DHX36: variants seen among roughly 807,000 people sequenced by gnomAD.
DHX36 encodes ATP-dependent DNA/RNA helicase DHX36.
In DHX36, 50 loss-of-function variants were observed where a neutral mutation model predicts 139.0. The observed-to-expected ratio is 0.36, with a 90% CI of 0.29 to 0.46. DHX36 has a LOEUF of 0.46. Among genes scored for constraint, DHX36 ranks in the 20% least tolerant of loss-of-function variants. DHX36 has a pLI of 1.00. For synonymous variants in DHX36, 425 were observed against 401.9 expected (o/e 1.06, Z -0.69); for missense variants, 1,024 against 1,211.3 (o/e 0.85, Z 2.29).
Position 154,280,611 on chromosome 3 carries a change from T to G in DHX36, c.2535A>C (p.Lys845Asn), listed in dbSNP as rs1719304182. 3 of 1,612,704 alleles carry G rather than the reference T, an allele frequency of 1.9e-6. No individual in the cohort carries two copies. Among genetic ancestry groups the G allele is most frequent in the Non-Finnish European group, 1.7e-6 (2 of 1,179,584 alleles). ...ICAGLYPKVA[K>N]IRLNLGKKRK... ...TTTTTTTACCCAAATTTAGTCGAAT[T>G]TTAGCAACTTTGGGATATAAACCAG... The change falls in exon 22 of 25, where the codon AAA (lysine) becomes AAC (asparagine). Residue 845 changes from lysine (K) to asparagine (N), a missense_variant. Lys to Asn is a moderately conservative substitution (Grantham distance 94). Coordinates refer to ENST00000496811, the MANE Select transcript of DHX36 (RefSeq NM_020865.3).
intron 1 of DHX36, among the ~76,000 whole-genome samples, chr3:154,320,294 T>C (rs909179331): frequency 1.4e-4 from 21 of 151,936 alleles, no homozygotes; most frequent in Admixed American, 2.0e-4. Flanking sequence ...ACAGCCTGAG[T>C]GATCTACAGA....
rs191014714 is a variant in DHX36, at chr3:154,300,075, T to A, written c.1462-150A>T. 56 of 592,250 alleles carry A rather than the reference T, an allele frequency of 9.5e-5. No individual in the cohort carries two copies. In the East Asian group the frequency reaches 1.0e-3, roughly 11 times the overall value. 36.7% of individuals were successfully genotyped at this position (592,250 alleles called of 1,614,324 possible). On this transcript the variant is annotated intron_variant, in intron 11 of 24. Coordinates refer to ENST00000496811, the MANE Select transcript of DHX36 (RefSeq NM_020865.3). ...TAAAAGTATATAAGCTTTTTTTTTT[T>A]AATTATTGTTTTTGAGAGAGTCTTG... is the stretch of plus-strand genomic sequence containing the variant.
At chr3:154,295,893 G>A (rs537356857) in intron 12 of DHX36, among the ~76,000 whole-genome samples, 11 of 152,052 alleles carry the variant, frequency 7.2e-5, no homozygotes, top group African/African-American at 2.2e-4. Context: ...TCAGCCTCCC[G>A]AGTAGCTGAG....
At chr3:154,314,548 A>C (rs965816580) in intron 3 of DHX36, 3 of 152,740 alleles carry the variant, frequency 2.0e-5, no homozygotes, top group Non-Finnish European at 2.9e-5. Context: ...GGGACCTTAA[A>C]ATATCTTGCC....
chr3:154,303,301 T>C lies in DHX36; in HGVS notation c.1217+28A>G, dbSNP rs773046130. On this transcript the variant is annotated intron_variant, in intron 9 of 24. Coordinates refer to ENST00000496811, the MANE Select transcript of DHX36 (RefSeq NM_020865.3). ...AAAGTGATATATTAGTACTTTTTAA[T>C]GTTTTTTATTTCCTAATGTTTACTT... 8 of 1,481,788 alleles carry C rather than the reference T, an allele frequency of 5.4e-6. No individual in the cohort carries two copies. In the South Asian group the frequency reaches 9.8e-5, roughly 18 times the overall value. 91.8% of individuals were successfully genotyped at this position (1,481,788 alleles called of 1,614,324 possible). A position where few individuals can be genotyped will look rare whatever the true frequency, so the allele number is the denominator to read the frequency against.
intron 9 of DHX36, among the ~76,000 whole-genome samples, chr3:154,302,775 T>C (rs1343162796): frequency 6.6e-6 from 1 of 152,068 alleles, no homozygotes; most frequent in East Asian, 1.9e-4. Context: ...TGCCCAGGAA[T>C]CTTCAAAAAA....
chr3:154,276,520 T>G (rs1475227592), intron 24 of DHX36, 164 bp from the exon 25 acceptor site: 1 of 784,612 alleles, frequency 1.3e-6, no homozygotes, highest in African/African-American at 1.8e-5. Context: ...AGTGAATAAC[T>G]AAAGTGCAGT....
intron 16 of DHX36, 41 bp from the exon 17 acceptor site, chr3:154,289,005 T>C (rs1711673075): frequency 1.9e-6 from 2 of 1,037,894 alleles, no homozygotes. Flanking sequence ...CATATAATAT[T>C]AATATATTAG....
chr3:154,299,276 T>TA (rs1559952588), intron 12 of DHX36, among the ~76,000 whole-genome samples: 1 of 152,106 alleles, frequency 6.6e-6, no homozygotes, highest in Non-Finnish European at 1.5e-5. Context: ...CATCTCAAAA[T>TA]AAAAAAATTA....
chr3:154,317,008 A>T (rs907459772), intron 1 of DHX36, among the ~76,000 whole-genome samples: 2 of 152,080 alleles, frequency 1.3e-5, no homozygotes, highest in Admixed American at 1.3e-4. Context: ...AAAGAACCAA[A>T]GGAGGAGGAA....
Position 154,301,106 on chromosome 3 carries a change from T to C in DHX36, c.1239A>G (p.Glu413=), listed in dbSNP as rs144095138. ...AACCCCTCTTAAACTGGGATCTGTG[T>C]TCTTTTTGTTCTGGAACATACCTAA... is the stretch of plus-strand genomic sequence containing the variant. ...EKIRYVPEQK[E]HRSQFKRGFM... The change falls in exon 10 of 25, where the codon GAA becomes GAG. Residue 413 remains glutamate (E), a synonymous_variant. Transcript: ENST00000496811. 1.3e-4 allele frequency: 207 copies of C among 1,602,850 alleles called. No individual in the cohort carries two copies. The highest frequency in any genetic ancestry group is 1.6e-4 in the Admixed American group (9 of 56,704).
chr3:154,294,096 T>C (rs1711933730), intron 13 of DHX36, among the ~76,000 whole-genome samples: 1 of 152,196 alleles, frequency 6.6e-6, no homozygotes. Context: ...AGCAGTTTTT[T>C]AACAAAAGCT....
Position 154,276,818 on chromosome 3 carries a change from C to T in DHX36, c.2770G>A (p.Asp924Asn), listed in dbSNP as rs151188512. 6.8e-6 allele frequency: 11 copies of T among 1,613,746 alleles called. No individual in the cohort carries two copies. The highest frequency in any genetic ancestry group is 9.3e-6 in the Non-Finnish European group (11 of 1,179,912). Residue 924 changes from aspartate to asparagine, a missense_variant, in exon 24 of 25, where the codon GAT becomes AAT. By Grantham distance (23) the Asp-to-Asn change is conservative (BLOSUM62 1). Around this residue, in one of 4 missense-constraint regions of DHX36, gnomAD observed 470 missense variants for 616.2 expected, o/e 0.76. Transcript: ENST00000496811. ...TCATCTACAGCAATAGTTTCCTGATCGTTATCCTTCTGGATGGAAATGTCA... is the reference window on the plus strand; with the variant it reads ...TCATCTACAGCAATAGTTTCCTGATTGTTATCCTTCTGGATGGAAATGTCA... ...GGDISIQKDNDQETIAVDEWI... is the reference protein window; with the variant it reads ...GGDISIQKDNNQETIAVDEWI...
chr3:154,286,240 TAAG>T (rs999844075), intron 17 of DHX36, among the ~76,000 whole-genome samples: 4 of 149,040 alleles, frequency 2.7e-5, no homozygotes, highest in Admixed American at 2.7e-4. Context: ...GCTTCTCCTT[TAAG>T]AAGAATAAGA....
At chr3:154,303,005 A>G (rs1483837984) in intron 9 of DHX36, among the ~76,000 whole-genome samples, 1 of 152,206 alleles carries the variant, frequency 6.6e-6, no homozygotes, top group African/African-American at 2.4e-5. Flanking sequence ...TCAACCTGGA[A>G]GGCGGAGGTT....
chr3:154,310,732 TTG>T (rs1712699752), intron 4 of DHX36, among the ~76,000 whole-genome samples: 1 of 128,798 alleles, frequency 7.8e-6, no homozygotes, highest in Admixed American at 8.8e-5. Context: ...TAAGCCGAGA[TTG>T]CGCCACTGCA....
Position 154,273,530 on chromosome 3 carries a change from C to T in DHX36, c.*2641G>A, listed in dbSNP as rs991516647. ...AAAGTAAGGGAAAAAAAAGCACAAA[C>T]AGAAACTCTTACAGAGCAAGAAAGA... On this transcript the variant is annotated 3_prime_UTR_variant, in exon 25 of 25. Transcript: ENST00000496811. 1 of 152,150 alleles carries T rather than the reference C, an allele frequency of 6.6e-6. No individual in the cohort carries two copies. Among genetic ancestry groups the T allele is most frequent in the Non-Finnish European group, 1.5e-5 (1 of 68,020 alleles). 9.4% of individuals were successfully genotyped at this position (152,150 alleles called of 1,614,324 possible). A position where few individuals can be genotyped will look rare whatever the true frequency, so the allele number is the denominator to read the frequency against.
chr3:154,313,034 A>C (rs1411881040), intron 3 of DHX36, among the ~76,000 whole-genome samples: 1 of 150,874 alleles, frequency 6.6e-6, no homozygotes, highest in Non-Finnish European at 1.5e-5. Flanking sequence ...GTCATTTAAA[A>C]TAACAAAAGC....
At chr3:154,291,653 T>C (rs766748645) in intron 15 of DHX36, among the ~76,000 whole-genome samples, 1 of 152,236 alleles carries the variant, frequency 6.6e-6, no homozygotes, top group African/African-American at 2.4e-5. Context: ...CAGAGCTTTA[T>C]GGATATTGTA....
Sources: gnomAD v4.1 joint callset for allele counts (sites outside exome capture counted in the v4.1 genomes callset) on GRCh38, gnomAD v4.1.1 for gene constraint, gnomAD v4.1.1 regional missense constraint, MANE v1.5 for transcripts, NCBI Gene and HGNC (gene_info 2026-07-23, HGNC 2026-07-21) for gene names.